Variants in DAB1 observed in about 807,000 individuals in gnomAD.
DAB1 encodes DAB adaptor protein 1.
DAB1 carries 15 observed loss-of-function variants against 64.6 expected under a neutral mutation model. The ratio of observed to expected loss-of-function variants is 0.23; its 90% CI spans 0.16 to 0.36. The LOEUF (loss-of-function observed/expected upper bound fraction) is 0.36, where lower values mean the gene tolerates loss of function less well. DAB1 is among the 10% of genes least tolerant of loss of function. The pLI is 1.00. For missense variants in DAB1, 596 were observed against 706.7 expected (o/e 0.84, Z 1.78); for synonymous variants, 235 against 251.9 (o/e 0.93, Z 0.64).
chr1:57,274,421 G>A (rs1035818663), intron 2 of DAB1, among the ~76,000 whole-genome samples: 7 of 152,244 alleles, frequency 4.6e-5, no homozygotes, highest in Middle Eastern at 6.8e-3. Flanking sequence ...AAATCCAGAC[G>A]AGTGTCTTAT....
Position 56,996,494 on chromosome 1 carries a change from A to C in DAB1, c.*1650T>G, listed in dbSNP as rs1570443737. ...CACTTTTTGTCTCATAAGTGTAAAA[A>C]AAGGAAGCTTAGCCTCTTCTGTTTC... On this transcript the variant is annotated 3_prime_UTR_variant, in exon 15 of 15. Coordinates refer to ENST00000371236, the MANE Select transcript of DAB1 (RefSeq NM_001365792.1). The C allele has an allele frequency of 6.6e-6, 1 of 152,344 alleles. No individual in the cohort carries two copies. Among genetic ancestry groups the C allele is most frequent in the East Asian group, 1.9e-4 (1 of 5,188 alleles). The allele number at this position is 152,344 out of a possible 1,614,324, so 9.4% of individuals were successfully genotyped here.
chr1:57,165,053 A>C (rs963177597), intron 2 of DAB1, among the ~76,000 whole-genome samples: 3 of 152,152 alleles, frequency 2.0e-5, no homozygotes, highest in African/African-American at 7.2e-5. Context: ...TTAGCTTTCC[A>C]ACTGCAATAC....
upstream of DAB1, among the ~76,000 whole-genome samples, chr1:57,885,115 A>G (rs1644203116): frequency 6.6e-6 from 1 of 152,236 alleles, no homozygotes; most frequent in African/African-American, 2.4e-5. Context: ...GGACAGAGCT[A>G]ATCACAGATC....
intron 6 of DAB1, among the ~76,000 whole-genome samples, chr1:57,806,692 T>C (rs764946128): frequency 2.0e-5 from 3 of 152,220 alleles, no homozygotes; most frequent in Non-Finnish European, 4.4e-5. Flanking sequence ...TTTTGCTCGT[T>C]CTTCCATCTA....
intron 1 of DAB1, among the ~76,000 whole-genome samples, chr1:57,301,397 C>T (rs550227766): frequency 6.6e-6 from 1 of 152,276 alleles, no homozygotes; most frequent in South Asian, 2.1e-4. Context: ...TTTAACCCTA[C>T]TCCATACCAG....
chr1:58,416,628 T>C (rs114647736), intron 3 of DAB1, among the ~76,000 whole-genome samples: 2,450 of 152,348 alleles, frequency 0.016, 31 homozygotes, highest in Non-Finnish European at 0.024. Context: ...AAGTTGGTTA[T>C]TGGAAAACTT....
intron 4 of DAB1, among the ~76,000 whole-genome samples, chr1:58,218,148 G>T (rs1372915761): frequency 1.3e-5 from 2 of 152,092 alleles, no homozygotes; most frequent in South Asian, 2.1e-4. Context: ...AGTCCAGTAG[G>T]GGGACAGAGA....
At chr1:58,433,244 G>GTAAA (rs894040243) in intron 3 of DAB1, among the ~76,000 whole-genome samples, 2 of 152,154 alleles carry the variant, frequency 1.3e-5, no homozygotes, top group Non-Finnish European at 2.9e-5. Context: ...AGCCCTATGA[G>GTAAA]TAAATAGTAG....
intron 3 of DAB1, among the ~76,000 whole-genome samples, chr1:58,478,616 T>C (rs559951718): frequency 6.6e-6 from 1 of 152,226 alleles, no homozygotes; most frequent in South Asian, 2.1e-4. Context: ...TTCTCCTTTT[T>C]TTCAATCCTT....
chr1:58,457,033 C>T lies in DAB1; in HGVS notation n.257+49027G>A, dbSNP rs1645198702. 7.9e-5 allele frequency among the ~76,000 whole-genome samples: 12 copies of T among 152,194 alleles called. 1 individual carries two copies. In the South Asian group the frequency reaches 2.5e-3, roughly 32 times the overall value. ...GGGTTTAAACTTTAGTCTATGTGCC[C>T]GCAAAATCCATCCTTTCTGCCAGTA... is the stretch of plus-strand genomic sequence containing the variant. On this transcript the variant is annotated intron_variant and non_coding_transcript_variant, in intron 3 of 20. Transcript: ENST00000485760.
intron 2 of DAB1, among the ~76,000 whole-genome samples, chr1:57,183,823 A>G (rs1437161619): frequency 6.6e-6 from 1 of 152,176 alleles, no homozygotes; most frequent in African/African-American, 2.4e-5. Context: ...CTATACCACA[A>G]TTAAGAATAT....
intron 3 of DAB1, among the ~76,000 whole-genome samples, chr1:58,441,038 T>C (rs1645002423): frequency 6.6e-6 from 1 of 152,226 alleles, no homozygotes; most frequent in Non-Finnish European, 1.5e-5. Flanking sequence ...GGGGCATTTA[T>C]ACCCTCATTA....
intron 4 of DAB1, among the ~76,000 whole-genome samples, chr1:58,323,070 T>A (rs1569641574): frequency 1.5e-5 from 2 of 130,280 alleles, no homozygotes; most frequent in Admixed American, 1.6e-4. Flanking sequence ...GCGGGGAACA[T>A]CACACATGCG....
chr1:58,536,552 T>C, intron 1 of DAB1: 1 of 872,892 alleles, frequency 1.1e-6, no homozygotes, highest in Non-Finnish European at 2.0e-6. Flanking sequence ...TGAACTGTTC[T>C]TTCCCCAATA....
intron 4 of DAB1, chr1:58,343,309 C>T (rs1207138375): frequency 2.5e-4 from 38 of 149,034 alleles, no homozygotes; most frequent in Admixed American, 2.5e-3. Context: ...AAAAGGAAAA[C>T]CAGGGAGAAA....
intron 7 of DAB1, among the ~76,000 whole-genome samples, chr1:57,514,011 C>T (rs1570587382): frequency 6.6e-6 from 1 of 152,218 alleles, no homozygotes; most frequent in African/African-American, 2.4e-5. Flanking sequence ...CAAGTTGTCA[C>T]AAATGACAGA....
chr1:57,442,262 T>A (rs1201697877), intron 7 of DAB1, among the ~76,000 whole-genome samples: 1 of 152,244 alleles, frequency 6.6e-6, no homozygotes, highest in Non-Finnish European at 1.5e-5. Context: ...CTACTTGGTA[T>A]ATGGTAATGT....
chr1:58,501,251 T>A (rs1645902303), intron 3 of DAB1, among the ~76,000 whole-genome samples: 1 of 152,136 alleles, frequency 6.6e-6, no homozygotes. Flanking sequence ...AAAGCAAAGG[T>A]TTGCTTTTTT....
chr1:57,240,729 A>G (rs1224327091), intron 2 of DAB1, among the ~76,000 whole-genome samples: 4 of 152,160 alleles, frequency 2.6e-5, no homozygotes, highest in African/African-American at 9.7e-5. Context: ...TGGGCTTGAG[A>G]AATGAAGGAT....
Sources: gnomAD v4.1 joint callset for allele counts (sites outside exome capture counted in the v4.1 genomes callset) on GRCh38, gnomAD v4.1.1 for gene constraint, MANE v1.5 for transcripts, NCBI Gene and HGNC (gene_info 2026-07-23, HGNC 2026-07-21) for gene names.